Variants in ADCK5 observed in about 807,000 individuals in gnomAD.
ADCK5 encodes the protein aarF domain containing kinase 5.
Under a neutral mutation model 64.9 loss-of-function variants are expected in ADCK5, and 43 were observed. The observed-to-expected ratio is 0.66, with a 90% confidence interval of 0.52 to 0.85. ADCK5 has a LOEUF of 0.85. Ranked by LOEUF, ADCK5 falls within the 40% of genes least tolerant of loss-of-function variation. The pLI is 0.00. For missense variants in ADCK5, 760 were observed against 810.5 expected, an observed-to-expected ratio of 0.94 and a Z score of 0.76; for synonymous variants, 434 against 342.8, an observed-to-expected ratio of 1.27 and a Z score of -2.94.
chr8:144,374,288 T>C (rs2130676349), intron 1 of ADCK5, among the ~76,000 whole-genome samples, 181 bp downstream of exon 1: 1 of 152,206 alleles, frequency 6.6e-6, no homozygotes, highest in South Asian at 2.1e-4. Flanking sequence ...TCACCGCAGC[T>C]TCCGCCTCCC....
Position 144,384,126 on chromosome 8 carries a change from G to T in ADCK5, c.266+896G>T, listed in dbSNP as rs1819802726. On this transcript the variant is annotated intron_variant, in intron 3 of 14. Coordinates refer to ENST00000308860, the MANE Select transcript of ADCK5 (RefSeq NM_174922.5). The surrounding 1 kb of genome is among the most constrained non-coding windows in gnomAD (Gnocchi z 5.7). ...AACGGGGTTTCACTGTGTTAGCCAG[G>T]ATGGTCTCGATCTCCTGACCTCGTG... 6.6e-6 allele frequency among the ~76,000 whole-genome samples: 1 copy of T among 151,888 alleles called. No individual in the cohort carries two copies. Among genetic ancestry groups the T allele is most frequent in the African/African-American group, 2.4e-5 (1 of 41,360 alleles).
At position 144,381,039 on chromosome 8, in the gene ADCK5, A is replaced by T. The variant is rs1368935853; in HGVS notation, c.116+1549A>T. On this transcript the variant is annotated intron_variant, in intron 2 of 14. Coordinates refer to ENST00000308860, the MANE Select transcript of ADCK5 (RefSeq NM_174922.5). Reference sequence around the variant, plus strand: ...TCAGGCACCTCCCGCAGTCAGGATTATGTGCCGGGTGTAGAAACAGATGTG... The same window carrying T: ...TCAGGCACCTCCCGCAGTCAGGATTTTGTGCCGGGTGTAGAAACAGATGTG... Among the ~76,000 whole-genome samples the T allele has an allele frequency of 3.3e-5, 5 of 151,840 alleles. 1 individual carries two copies. Among genetic ancestry groups the T allele is most frequent in the Middle Eastern group, 3.4e-3 (1 of 294 alleles).
chr8:144,382,933 G>A lies in ADCK5; in HGVS notation c.117-148G>A, dbSNP rs186249506. The A allele has an allele frequency of 3.0e-4, 350 of 1,149,572 alleles. 2 individuals carry two copies. The African/African-American group carries it at 4.6e-3, about 15-fold the overall frequency. The allele number at this position is 1,149,572 out of a possible 1,614,324, so 71.2% of individuals were successfully genotyped here. On this transcript the variant is annotated intron_variant, in intron 2 of 14. Transcript: ENST00000308860. ...GGTGCAGGGGCTCAGGGAAGGGGAC[G>A]CTGATGCGGTGGTGTTCTCTGCTGA...
At chr8:144,387,496 G>A (rs1367621244) in intron 3 of ADCK5, among the ~76,000 whole-genome samples, 7 of 152,054 alleles carry the variant, frequency 4.6e-5, no homozygotes, top group African/African-American at 1.4e-4. Flanking sequence ...TGCCTCCTGG[G>A]TTCAAGCAAT....
chr8:144,390,411 G>A (rs1820157695), intron 3 of ADCK5, among the ~76,000 whole-genome samples: 2 of 152,210 alleles, frequency 1.3e-5, no homozygotes, highest in Non-Finnish European at 2.9e-5. Flanking sequence ...TAATTGACAT[G>A]AGCCACCACA....
intron 3 of ADCK5, among the ~76,000 whole-genome samples, chr8:144,387,560 C>G (rs1273558973): frequency 6.6e-6 from 1 of 152,110 alleles, no homozygotes; most frequent in African/African-American, 2.4e-5. Flanking sequence ...TGCCACCACA[C>G]CCAGCTAATT....
chr8:144,375,721 G>A (rs555914829), intron 1 of ADCK5: 13 of 926,470 alleles, frequency 1.4e-5, no homozygotes, highest in East Asian at 1.2e-4. Context: ...AGGTGTTTCC[G>A]TTTGTGCAGA....
At chr8:144,389,829 C>T (rs1259766423) in intron 3 of ADCK5, among the ~76,000 whole-genome samples, 2 of 146,498 alleles carry the variant, frequency 1.4e-5, no homozygotes, top group Non-Finnish European at 3.0e-5. Context: ...CAAGCCCAGC[C>T]TCTTTTTTTT....
chr8:144,386,867 A>G (rs1430499564), intron 3 of ADCK5, among the ~76,000 whole-genome samples: 4 of 152,262 alleles, frequency 2.6e-5, no homozygotes, highest in African/African-American at 4.8e-5. Context: ...CTTATCACTC[A>G]GGAAATCCCA....
intron 2 of ADCK5, among the ~76,000 whole-genome samples, chr8:144,379,993 C>T (rs1291428016): frequency 1.2e-4 from 18 of 152,234 alleles, no homozygotes; most frequent in African/African-American, 4.1e-4. Context: ...GCAGGGTGAG[C>T]TGTCCAAGCG....
rs1820287735 is a variant in ADCK5 at position 144,392,252 on chromosome 8, A to G, written c.1176-2A>G. On this transcript the variant is annotated splice_acceptor_variant, in intron 11 of 14. Transcript: ENST00000308860. LOFTEE classifies it high-confidence loss of function. ...CATGGCTGCGGGCCCATCCACACCC[A>G]GGGACCGCGCAGCCCTCTGCCAGCT... 1 of 1,538,116 alleles carries G rather than the reference A, an allele frequency of 6.5e-7. No homozygotes were observed. The highest frequency in any genetic ancestry group is 8.7e-7 in the Non-Finnish European group (1 of 1,146,616).
In ADCK5 at chr8:144,392,285, G is replaced by A. The variant is rs1554861117; in HGVS notation, c.1207G>A (p.Ala403Thr). The A allele has an allele frequency of 6.6e-7, 1 of 1,519,032 alleles. No homozygotes were observed. The highest frequency in any genetic ancestry group is 8.8e-7 in the Non-Finnish European group (1 of 1,136,374). The allele number at this position is 1,519,032 out of a possible 1,614,324, so 94.1% of individuals were successfully genotyped here. Residue 403 changes from alanine (A) to threonine (T), a missense_variant, in exon 12 of 15, where the codon GCC becomes ACC. By Grantham distance (58) the Ala-to-Thr change is moderately conservative. This residue lies in a region of ADCK5 where 333 missense variants were observed against 292.0 expected (regional missense o/e 1.14). Coordinates refer to ENST00000308860, the MANE Select transcript of ADCK5 (RefSeq NM_174922.5). ...CGCAGCCCTCTGCCAGCTGTGGCGG[G>A]CCATCATCCTGCGGGACGACGCCGC... ...DRAALCQLWR[A>T]IILRDDAAMR...
chr8:144,383,886 C>CTTTT (rs35307889), intron 3 of ADCK5, among the ~76,000 whole-genome samples: 3 of 64,886 alleles, frequency 4.6e-5, no homozygotes, highest in African/African-American at 6.8e-5. Flanking sequence ...GCCCAAAGCC[C>CTTTT]TTTTTTTTTT....
chr8:144,391,551 C>T (rs1554860612), intron 7 of ADCK5, 29 bp from the exon 8 acceptor site: 4 of 1,584,638 alleles, frequency 2.5e-6, no homozygotes, highest in Non-Finnish European at 3.4e-6. Context: ...GTAGGCAGAG[C>T]TGGTCTTCAA....
chr8:144,383,053 GC>G lies in ADCK5; in HGVS notation c.117-26del, dbSNP rs1564670609. On this transcript the variant is annotated intron_variant, in intron 2 of 14. Coordinates refer to ENST00000308860, the MANE Select transcript of ADCK5 (RefSeq NM_174922.5). ...AGCCCAGCTGAATGTGGGGGGCGGCGCCTCCAGGCTGCATTGTCTCTCCTCA... is the reference window on the plus strand; with the variant it reads ...AGCCCAGCTGAATGTGGGGGGCGGCGCTCCAGGCTGCATTGTCTCTCCTCA... 1.9e-6 allele frequency: 3 copies of G among 1,575,296 alleles called. No homozygotes were observed. In the South Asian group the frequency reaches 3.5e-5, roughly 18 times the overall value.
intron 3 of ADCK5, among the ~76,000 whole-genome samples, chr8:144,389,795 G>A (rs1469230608): frequency 1.3e-5 from 2 of 151,270 alleles, no homozygotes; most frequent in African/African-American, 4.9e-5. Flanking sequence ...CTCCCAAAGT[G>A]CTGGGATCAT....
At chr8:144,390,614 C>G in intron 3 of ADCK5, 57 bp from the exon 4 acceptor site, 6 of 1,553,670 alleles carry the variant, frequency 3.9e-6, no homozygotes, top group Non-Finnish European at 5.3e-6. Flanking sequence ...ACAAGAGGAC[C>G]AAGCACCGGG....
chr8:144,390,647 G>T, intron 3 of ADCK5, 24 bp from the exon 4 acceptor site: 1 of 1,611,278 alleles, frequency 6.2e-7, no homozygotes, highest in South Asian at 1.1e-5. Flanking sequence ...CCCCGCTGGA[G>T]ACTGAGGCCA....
intron 3 of ADCK5, among the ~76,000 whole-genome samples, chr8:144,386,515 G>A (rs1819934960): frequency 1.3e-5 from 2 of 151,700 alleles, no homozygotes; most frequent in African/African-American, 2.4e-5. Flanking sequence ...CCACCATCAC[G>A]CCCGGCTAAT....
Sources: allele counts gnomAD v4.1 joint callset (sites outside exome capture counted in the v4.1 genomes callset), GRCh38; gene constraint gnomAD v4.1.1; regional missense constraint gnomAD v4.1.1; non-coding constraint Gnocchi (gnomAD v3.1); transcripts MANE v1.5; gene names NCBI Gene and HGNC (gene_info 2026-07-23, HGNC 2026-07-21).